Variants in RBFOX1 observed in about 807,000 individuals in gnomAD.
The protein encoded by RBFOX1 is RNA binding fox-1 homolog 1, also known as RNA binding protein fox-1 homolog 1.
Under a neutral mutation model 57.7 loss-of-function variants are expected in RBFOX1, and 8 were observed. That is an observed-to-expected ratio of 0.14 (90% CI 0.08 to 0.25). The LOEUF is 0.25. RBFOX1 is among the 10% of genes least tolerant of loss of function. The pLI is 1.00. For missense variants in RBFOX1, 611 were observed against 548.5 expected (o/e 1.11, Z -1.14); for synonymous variants, 326 against 222.4 (o/e 1.47, Z -4.15).
chr16:5,266,727 A>G (rs1180618648), intron 1 of RBFOX1, among the ~76,000 whole-genome samples: 1 of 150,928 alleles, frequency 6.6e-6, no homozygotes, highest in Non-Finnish European at 1.5e-5. Flanking sequence ...TTTTGTATTT[A>G]TTTATTTTTT....
intron 4 of RBFOX1, among the ~76,000 whole-genome samples, chr16:7,227,558 G>A (rs931792011): frequency 6.6e-6 from 1 of 152,146 alleles, no homozygotes; most frequent in East Asian, 1.9e-4. Context: ...GGCAGCTTTC[G>A]GAGTCCGAAA....
chr16:7,349,286 G>T lies in RBFOX1; in HGVS notation c.28-168861G>T, dbSNP rs145305571. ...GAGACCAACCAGACTTGCCTTGTCA[G>T]CTCTCATCACTCCTTCTCTCAAACC... On this transcript the variant is annotated intron_variant, in intron 4 of 15. Coordinates refer to ENST00000550418, the MANE Select transcript of RBFOX1 (RefSeq NM_018723.4). Among the ~76,000 whole-genome samples, 154 of 152,254 alleles carry T rather than the reference G, an allele frequency of 1.0e-3. 1 individual carries two copies. Among genetic ancestry groups the T allele is most frequent in the African/African-American group, 3.6e-3 (151 of 41,542 alleles).
chr16:6,000,574 G>T (rs943143774), intron 4 of RBFOX1, among the ~76,000 whole-genome samples: 5 of 152,096 alleles, frequency 3.3e-5, no homozygotes, highest in Admixed American at 6.6e-5. Context: ...TGTATAACTA[G>T]CCAGCCTCTA....
chr16:5,819,485 G>A (rs989218931), intron 3 of RBFOX1, among the ~76,000 whole-genome samples: 3 of 152,156 alleles, frequency 2.0e-5, no homozygotes, highest in Non-Finnish European at 4.4e-5. Flanking sequence ...ACCTCACTGT[G>A]CCACTTCTAT....
intron 4 of RBFOX1, among the ~76,000 whole-genome samples, chr16:7,422,222 C>T (rs1381146444): frequency 1.3e-5 from 2 of 152,150 alleles, no homozygotes; most frequent in African/African-American, 2.4e-5. Flanking sequence ...CCTCTCCCAC[C>T]AGTAGGCTGT....
intron 3 of RBFOX1, among the ~76,000 whole-genome samples, chr16:6,945,301 C>G (rs541614028): frequency 6.6e-6 from 1 of 152,068 alleles, no homozygotes; most frequent in Admixed American, 6.6e-5. Flanking sequence ...AATGTGTACA[C>G]TAGGGGTCTC....
chr16:6,406,998 G>T (rs1188181208), intron 2 of RBFOX1, among the ~76,000 whole-genome samples: 1 of 152,102 alleles, frequency 6.6e-6, no homozygotes, highest in East Asian at 1.9e-4. Flanking sequence ...GGTTCTGGAG[G>T]TCCCAATGAG....
chr16:6,849,791 C>G (rs189678065), intron 3 of RBFOX1, among the ~76,000 whole-genome samples: 4 of 152,204 alleles, frequency 2.6e-5, no homozygotes, highest in Admixed American at 6.5e-5. Context: ...CAAGAAGCCA[C>G]CTTGATTTCT....
intron 14 of RBFOX1, among the ~76,000 whole-genome samples, chr16:7,681,238 G>A (rs1203088887): frequency 6.6e-6 from 1 of 152,154 alleles, no homozygotes. Context: ...AGGATGGGTA[G>A]ATGGATAGAT....
At chr16:7,607,684 T>G (rs949177265) in intron 10 of RBFOX1, among the ~76,000 whole-genome samples, 1 of 152,208 alleles carries the variant, frequency 6.6e-6, no homozygotes. Flanking sequence ...AATGTGTGTT[T>G]TAGCCATACA....
chr16:6,936,805 A>G (rs577089710), intron 3 of RBFOX1, among the ~76,000 whole-genome samples: 4 of 152,002 alleles, frequency 2.6e-5, no homozygotes, highest in Non-Finnish European at 5.9e-5. Context: ...GCCTGTGCCC[A>G]AAACGCTTTA....
At chr16:5,298,634 T>G (rs1425498184) in intron 1 of RBFOX1, among the ~76,000 whole-genome samples, 1 of 11,532 alleles carries the variant, frequency 8.7e-5, no homozygotes, top group African/African-American at 4.0e-4. Context: ...TCCCCTCCTT[T>G]CCCCTCCCTC....
intron 2 of RBFOX1, among the ~76,000 whole-genome samples, chr16:5,481,441 G>A (rs1311353107): frequency 6.6e-6 from 1 of 152,196 alleles, no homozygotes; most frequent in Non-Finnish European, 1.5e-5. Flanking sequence ...TGTATTTTCA[G>A]TGTCAGCAGG....
At chr16:6,071,160 A>C (rs1367648729) in intron 1 of RBFOX1, among the ~76,000 whole-genome samples, 1 of 152,070 alleles carries the variant, frequency 6.6e-6, no homozygotes, top group South Asian at 2.1e-4. Context: ...TCATCTCTAC[A>C]AAAATACAAA....
intron 2 of RBFOX1, among the ~76,000 whole-genome samples, chr16:5,551,792 C>A (rs558164035): frequency 6.6e-6 from 1 of 151,272 alleles, no homozygotes; most frequent in South Asian, 2.1e-4. Flanking sequence ...CCTCCCTCCG[C>A]CCCCCACCCC....
At position 7,074,654 on chromosome 16, in the gene RBFOX1, C is replaced by A. The variant is rs1052692714; in HGVS notation, c.27+22556C>A. Among the ~76,000 whole-genome samples the A allele has an allele frequency of 4.6e-5, 7 of 152,128 alleles. No individual in the cohort carries two copies. In the South Asian group the frequency reaches 6.2e-4, roughly 14 times the overall value. ...AAGAGACAGACAATGGGACAAAAAA[C>A]CATTTTAAGGAATAAAAGCTAAGAT... On this transcript the variant is annotated intron_variant, in intron 4 of 15. Coordinates refer to ENST00000550418, the MANE Select transcript of RBFOX1 (RefSeq NM_018723.4).
chr16:6,738,900 G>T (rs1000371036), intron 3 of RBFOX1, among the ~76,000 whole-genome samples: 36 of 152,122 alleles, frequency 2.4e-4, no homozygotes, highest in African/African-American at 8.2e-4. Flanking sequence ...AGTTGAAAAT[G>T]AAGTCTCATA....
At position 6,858,373 on chromosome 16, in the gene RBFOX1, C is replaced by T. The variant is rs183117833; in HGVS notation, c.-15-193684C>T. ...GAAAAAGCAGAGCAGATTCGTGATA[C>T]TTTCCTCTCCTTGTTGGTTTTGTGT... On this transcript the variant is annotated intron_variant, in intron 3 of 15. Transcript: ENST00000550418. Among the ~76,000 whole-genome samples the T allele has an allele frequency of 5.3e-5, 8 of 152,284 alleles. 1 individual carries two copies. The East Asian group carries it at 1.5e-3, about 29-fold the overall frequency.
intron 3 of RBFOX1, among the ~76,000 whole-genome samples, chr16:6,706,246 A>C (rs1306223626): frequency 1.3e-5 from 2 of 152,158 alleles, no homozygotes; most frequent in Admixed American, 6.5e-5. Context: ...CTGGTCGCCC[A>C]TGTCCCAGTT....
Sources: allele counts gnomAD v4.1 joint callset (sites outside exome capture counted in the v4.1 genomes callset), GRCh38; gene constraint gnomAD v4.1.1; transcripts MANE v1.5; gene names NCBI Gene and HGNC (gene_info 2026-07-23, HGNC 2026-07-21).